Variants in CNNM2 observed in about 807,000 individuals in gnomAD.
CNNM2 encodes metal transporter CNNM2.
In CNNM2, 12 loss-of-function variants were observed where a neutral mutation model predicts 66.9. The observed-to-expected ratio is 0.18, with a 90% CI of 0.11 to 0.29. CNNM2 has a LOEUF of 0.29. Ranked by LOEUF, CNNM2 falls within the 10% of genes least tolerant of loss-of-function variation. The probability of loss-of-function intolerance (pLI) is 1.00; values close to 1 mark genes in which losing one functional copy is unlikely to be tolerated. For missense variants in CNNM2, 705 were observed against 1,167.7 expected (o/e 0.60, Z 5.77); for synonymous variants, 557 against 501.8 (o/e 1.11, Z -1.47).
chr10:103,014,825 A>G (rs1590397083), intron 1 of CNNM2, among the ~76,000 whole-genome samples: 1 of 152,048 alleles, frequency 6.6e-6, no homozygotes, highest in East Asian at 1.9e-4. Flanking sequence ...CCAGCAGTTC[A>G]GGGCTGCAGT....
In CNNM2 at chr10:103,076,964, G is replaced by T; in HGVS notation, c.2419-7G>T. ...GGTTTGTTTTCTGTGCCATCTTCTG[G>T]CCCCAGATCTCAAGACAGCAATACC... On this transcript the variant is annotated splice_polypyrimidine_tract_variant and splice_region_variant and intron_variant, in intron 7 of 7. Transcript: ENST00000369878. 1 of 1,612,938 alleles carries T rather than the reference G, an allele frequency of 6.2e-7. No individual in the cohort carries two copies. The highest frequency in any genetic ancestry group is 8.5e-7 in the Non-Finnish European group (1 of 1,179,496).
rs1194437785 is a variant in CNNM2 at position 103,087,108 on chromosome 10, A to G, written c.*9928A>G. On this transcript the variant is annotated 3_prime_UTR_variant, in exon 8 of 8. Transcript: ENST00000369878. ...AAAAAATTCTCAAAAGAAGTGGCAGAATGGTCTTCTCACGGTATAAAACTC... is the reference window on the plus strand; with the variant it reads ...AAAAAATTCTCAAAAGAAGTGGCAGGATGGTCTTCTCACGGTATAAAACTC... The G allele has an allele frequency of 1.4e-5, 2 of 141,174 alleles. No homozygotes were observed. Among genetic ancestry groups the G allele is most frequent in the African/African-American group, 5.2e-5 (2 of 38,270 alleles). The allele number at this position is 141,174 out of a possible 1,614,324, so 8.7% of individuals were successfully genotyped here. A position where few individuals can be genotyped will look rare whatever the true frequency, so the allele number is the denominator to read the frequency against.
rs182039273 is a variant in CNNM2, at chr10:102,964,417, C to T, written c.1621+44316C>T. Among the ~76,000 whole-genome samples the T allele has an allele frequency of 7.3e-4, 111 of 152,112 alleles. 1 individual carries two copies. The highest frequency in any genetic ancestry group is 2.6e-3 in the African/African-American group (108 of 41,518). ...CTTATTTTTGTATTTTTAGTGGAGA[C>T]AGGGTTTCACTGTGTTGGCCAGGCT... On this transcript the variant is annotated intron_variant, in intron 1 of 7. Coordinates refer to ENST00000369878, the MANE Select transcript of CNNM2 (RefSeq NM_017649.5).
chr10:103,014,463 A>G (rs186957379), intron 1 of CNNM2, among the ~76,000 whole-genome samples: 152 of 152,346 alleles, frequency 1.0e-3, no homozygotes, highest in Non-Finnish European at 1.8e-3. Context: ...CAAAAATTCG[A>G]GTAACTTGCC....
chr10:103,028,828 C>G (rs28513873), intron 1 of CNNM2, among the ~76,000 whole-genome samples: 1 of 99,180 alleles, frequency 1.0e-5, no homozygotes. Flanking sequence ...TTTTTTTTTT[C>G]TTTTTTTTTT....
In CNNM2 at chr10:103,087,325, A is replaced by C. The variant is rs2065835337; in HGVS notation, c.*10145A>C. The C allele has an allele frequency of 6.6e-6, 1 of 151,920 alleles. No homozygotes were observed. Among genetic ancestry groups the C allele is most frequent in the African/African-American group, 2.4e-5 (1 of 41,350 alleles). The allele number at this position is 151,920 out of a possible 1,614,324, so 9.4% of individuals were successfully genotyped here. On this transcript the variant is annotated 3_prime_UTR_variant, in exon 8 of 8. Coordinates refer to ENST00000369878, the MANE Select transcript of CNNM2 (RefSeq NM_017649.5). ...ACACTCTTAAGAATAATATACAGAG[A>C]GGCACCATTTTGCTCTGGGTCTTAT... is the stretch of plus-strand genomic sequence containing the variant.
At chr10:102,949,706 C>T in intron 1 of CNNM2, among the ~76,000 whole-genome samples, 1 of 152,074 alleles carries the variant, frequency 6.6e-6, no homozygotes, top group Admixed American at 6.6e-5. Flanking sequence ...CTGGAAGGTG[C>T]TTGAATCTGG....
intron 1 of CNNM2, among the ~76,000 whole-genome samples, chr10:103,047,612 G>A (rs1457748670): frequency 6.6e-6 from 1 of 152,200 alleles, no homozygotes; most frequent in African/African-American, 2.4e-5. Context: ...GGAACTCTCT[G>A]TACTCTCTTT....
At chr10:103,028,814 C>CTTTTTTTTTTT (rs67846722) in intron 1 of CNNM2, among the ~76,000 whole-genome samples, 24 of 126,156 alleles carry the variant, frequency 1.9e-4, no homozygotes, top group African/African-American at 3.0e-4. Flanking sequence ...TTTTCTTTTT[C>CTTTTTTTTTTT]TTTTTTTTTT....
At position 103,076,185 on chromosome 10, in the gene CNNM2, G is replaced by A. The variant is rs780356793; in HGVS notation, c.2333G>A (p.Ser778Asn). Residue 778 changes from serine (S) to asparagine (N), a missense_variant, in exon 7 of 8, where the codon AGC becomes AAC. By Grantham distance (46) the Ser-to-Asn change is conservative. Around this residue, in one of 9 missense-constraint regions of CNNM2, gnomAD observed 194 missense variants for 227.6 expected, o/e 0.85. Coordinates refer to ENST00000369878, the MANE Select transcript of CNNM2 (RefSeq NM_017649.5). ...IDAVTPTLGS[S>N]NNQLNSSLLQ... is the part of the protein sequence containing the mutation. ...GCCGTCACACCAACACTGGGGAGCA[G>A]CAATAACCAGCTCAATTCTTCGCTC... is the stretch of plus-strand genomic sequence containing the variant. 61 of 1,600,470 alleles carry A rather than the reference G, an allele frequency of 3.8e-5. No homozygotes were observed. The highest frequency in any genetic ancestry group is 5.1e-5 in the Non-Finnish European group (60 of 1,173,596).
intron 1 of CNNM2, among the ~76,000 whole-genome samples, chr10:103,024,501 T>C (rs1365999949): frequency 1.3e-5 from 2 of 152,116 alleles, no homozygotes; most frequent in South Asian, 4.1e-4. Context: ...TTTTTTGAGA[T>C]GGAGTCTTGC....
intron 1 of CNNM2, among the ~76,000 whole-genome samples, chr10:102,989,594 A>G (rs931938954): frequency 1.3e-5 from 2 of 151,874 alleles, no homozygotes; most frequent in African/African-American, 2.4e-5. Flanking sequence ...CCTTAGGTCA[A>G]GAGTTCGAGA....
intron 1 of CNNM2, among the ~76,000 whole-genome samples, chr10:102,945,439 A>C (rs1271945011): frequency 6.6e-6 from 1 of 152,164 alleles, no homozygotes; most frequent in Admixed American, 6.5e-5. Flanking sequence ...ATAGAGTATA[A>C]CTTTTTTGCA....
At chr10:103,019,255 T>TGA (rs2064520160) in intron 1 of CNNM2, among the ~76,000 whole-genome samples, 1 of 143,456 alleles carries the variant, frequency 7.0e-6, no homozygotes, top group Non-Finnish European at 1.5e-5. Flanking sequence ...GGCGACATAG[T>TGA]GAGACCCTGT....
chr10:103,074,478 C>G (rs911140252), intron 6 of CNNM2, among the ~76,000 whole-genome samples: 1 of 152,160 alleles, frequency 6.6e-6, no homozygotes, highest in Non-Finnish European at 1.5e-5. Flanking sequence ...TTTAATTTGT[C>G]TAACAATGGA....
intron 1 of CNNM2, among the ~76,000 whole-genome samples, chr10:102,980,022 T>C (rs2063695229): frequency 6.6e-6 from 1 of 152,074 alleles, no homozygotes; most frequent in Non-Finnish European, 1.5e-5. Context: ...CAAGCCATTC[T>C]CCTGCCTCAA....
At position 103,060,013 on chromosome 10, in the gene CNNM2, A is replaced by G. The variant is rs11191539; in HGVS notation, c.2073+3049A>G. Among the ~76,000 whole-genome samples, 61,527 of 151,892 alleles carry G rather than the reference A, an allele frequency of 0.41. 12,652 individuals are homozygous for G. The highest frequency in any genetic ancestry group is 0.56 in the East Asian group (2,896 of 5,168). ...AAATTAGCCGGGTTTGGTGACAGGT[A>G]CCTACAGTCCCAGCTGCTCAGGAGG... On this transcript the variant is annotated intron_variant, in intron 4 of 7. Coordinates refer to ENST00000369878, the MANE Select transcript of CNNM2 (RefSeq NM_017649.5).
chr10:103,077,245 C>A lies in CNNM2; in HGVS notation c.*65C>A. ...GTCCCGAGGGCCCGGCCCTGTCTGC[C>A]CATGACTTCACTGGTGTGAGCTTGT... is the stretch of plus-strand genomic sequence containing the variant. On this transcript the variant is annotated 3_prime_UTR_variant, in exon 8 of 8. Coordinates refer to ENST00000369878, the MANE Select transcript of CNNM2 (RefSeq NM_017649.5). 1 of 1,435,030 alleles carries A rather than the reference C, an allele frequency of 7.0e-7. No homozygotes were observed. Among genetic ancestry groups the A allele is most frequent in the Non-Finnish European group, 9.7e-7 (1 of 1,033,488 alleles). 88.9% of individuals were successfully genotyped at this position (1,435,030 alleles called of 1,614,324 possible).
In CNNM2 at chr10:103,080,638, A is replaced by G. The variant is rs981088045; in HGVS notation, c.*3458A>G. The G allele has an allele frequency of 1.3e-5, 2 of 152,186 alleles. No homozygotes were observed. The highest frequency in any genetic ancestry group is 2.4e-5 in the African/African-American group (1 of 41,456). The allele number at this position is 152,186 out of a possible 1,614,324, so 9.4% of individuals were successfully genotyped here. On this transcript the variant is annotated 3_prime_UTR_variant, in exon 8 of 8. Transcript: ENST00000369878. ...ACCATCTTCTAATGTGACTTCAAGG[A>G]ACAGTGCAAATGTTGAATGCAGAGC...
Sources: allele counts gnomAD v4.1 joint callset (sites outside exome capture counted in the v4.1 genomes callset), GRCh38; gene constraint gnomAD v4.1.1; regional missense constraint gnomAD v4.1.1; transcripts MANE v1.5; gene names NCBI Gene and HGNC (gene_info 2026-07-23, HGNC 2026-07-21).